The following MSH3 variants were observed in gnomAD, a reference collection of about 807,000 sequenced individuals.
MSH3 encodes the protein mutS homolog 3, also known as DNA mismatch repair protein Msh3.
Under a neutral mutation model 123.3 loss-of-function variants are expected in MSH3, and 106 were observed. The observed-to-expected ratio is 0.86, with a 90% CI of 0.73 to 1.01. The LOEUF is 1.01. MSH3 is among the 50% of genes least tolerant of loss of function. The pLI is 0.00. For synonymous variants in MSH3, 515 were observed against 481.4 expected, an observed-to-expected ratio of 1.07 and a Z score of -0.91; for missense variants, 1,459 against 1,347.6, an observed-to-expected ratio of 1.08 and a Z score of -1.29.
intron 13 of MSH3, among the ~76,000 whole-genome samples, chr5:80,763,950 G>A (rs1744083574): frequency 6.6e-6 from 1 of 152,242 alleles, no homozygotes; most frequent in Admixed American, 6.5e-5. Flanking sequence ...GCCATTCCTT[G>A]TTGCTGTTTT....
Position 80,826,548 on chromosome 5 carries a change from A to ATTTT in MSH3, c.2813+12821_2813+12824dup, listed in dbSNP as rs10625891. On this transcript the variant is annotated intron_variant, in intron 20 of 23. Transcript: ENST00000265081. ...GCTATAAACAGACAGGAGGTTAGGA[A>ATTTT]TTTTTTTTTTTTTTTTTGAGATGGA... is the stretch of plus-strand genomic sequence containing the variant. Among the ~76,000 whole-genome samples the ATTTT allele has an allele frequency of 7.8e-5, 11 of 140,512 alleles. 1 individual carries two copies. Among genetic ancestry groups the ATTTT allele is most frequent in the South Asian group, 4.5e-4 (2 of 4,458 alleles). 92.2% of individuals were successfully genotyped at this position (140,512 alleles called of 152,430 possible). A position where few individuals can be genotyped will look rare whatever the true frequency, so the allele number is the denominator to read the frequency against.
At chr5:80,779,644 G>A (rs1178033848) in intron 17 of MSH3, among the ~76,000 whole-genome samples, 2 of 147,860 alleles carry the variant, frequency 1.4e-5, no homozygotes, top group Non-Finnish European at 3.0e-5. Context: ...TCTGCCTCCC[G>A]AGTTCTCCCA....
intron 8 of MSH3, among the ~76,000 whole-genome samples, chr5:80,705,382 A>G (rs964933389): frequency 6.6e-6 from 1 of 152,210 alleles, no homozygotes; most frequent in African/African-American, 2.4e-5. Context: ...ATTGACTGTT[A>G]TAGTTCCAGG....
intron 8 of MSH3, among the ~76,000 whole-genome samples, chr5:80,699,436 T>G (rs1177376555): frequency 6.6e-6 from 1 of 151,724 alleles, no homozygotes; most frequent in Non-Finnish European, 1.5e-5. Context: ...TCAGCACCTG[T>G]AATCCTAGCT....
chr5:80,808,412 C>T (rs1744936640), intron 19 of MSH3, among the ~76,000 whole-genome samples: 1 of 152,122 alleles, frequency 6.6e-6, no homozygotes, highest in Non-Finnish European at 1.5e-5. Flanking sequence ...TACCATTTCA[C>T]CATTAAGCCT....
intron 2 of MSH3, among the ~76,000 whole-genome samples, chr5:80,664,485 T>C (rs1749519299): frequency 6.6e-6 from 1 of 151,174 alleles, no homozygotes; most frequent in South Asian, 2.1e-4. Flanking sequence ...GTGTTCCTAA[T>C]CGTCCTTCTG....
At chr5:80,808,025 C>T (rs1219204033) in intron 19 of MSH3, among the ~76,000 whole-genome samples, 1 of 152,092 alleles carries the variant, frequency 6.6e-6, no homozygotes, top group Non-Finnish European at 1.5e-5. Context: ...TAAGTCCTTT[C>T]AATAAATTTT....
chr5:80,715,738 G>A (rs912018957), intron 8 of MSH3, among the ~76,000 whole-genome samples: 5 of 152,054 alleles, frequency 3.3e-5, no homozygotes, highest in African/African-American at 1.2e-4. Flanking sequence ...TGGAGCAGGA[G>A]GAAGAGAGAG....
chr5:80,816,856 G>A (rs574287029), intron 20 of MSH3, among the ~76,000 whole-genome samples: 3 of 152,336 alleles, frequency 2.0e-5, no homozygotes, highest in South Asian at 4.1e-4. Flanking sequence ...TACTAGAAGA[G>A]GATGTTTTTT....
intron 16 of MSH3, among the ~76,000 whole-genome samples, chr5:80,776,929 T>TATATA (rs1554072702): frequency 0.019 from 1,756 of 91,578 alleles, 16 homozygotes; most frequent in East Asian, 0.16. Context: ...TATATATATA[T>TATATA]TTTTTTTTTT....
intron 17 of MSH3, among the ~76,000 whole-genome samples, chr5:80,782,678 A>G (rs955434409): frequency 2.0e-5 from 3 of 152,198 alleles, no homozygotes; most frequent in Non-Finnish European, 4.4e-5. Flanking sequence ...GAAAAAGAAT[A>G]TTGGCTGAAA....
chr5:80,863,718 A>G (rs970570237), intron 21 of MSH3, among the ~76,000 whole-genome samples: 1 of 152,084 alleles, frequency 6.6e-6, no homozygotes, highest in Non-Finnish European at 1.5e-5. Context: ...GACAACTCCA[A>G]GCAGGGGCTT....
intron 8 of MSH3, 82 bp from the exon 9 acceptor site, chr5:80,725,371 T>TC: frequency 1.1e-6 from 1 of 884,078 alleles, no homozygotes; most frequent in Non-Finnish European, 1.9e-6. Flanking sequence ...TCTTTTTTTT[T>TC]TCCTCTTCTG....
At chr5:80,835,009 A>G (rs556016749) in intron 20 of MSH3, among the ~76,000 whole-genome samples, 1 of 152,314 alleles carries the variant, frequency 6.6e-6, no homozygotes, top group South Asian at 2.1e-4. Context: ...GTATAAAATG[A>G]TTACTAAGAA....
At chr5:80,784,421 T>C (rs1208274427) in intron 17 of MSH3, among the ~76,000 whole-genome samples, 1 of 151,846 alleles carries the variant, frequency 6.6e-6, no homozygotes, top group Non-Finnish European at 1.5e-5. Context: ...TTTTATTAAA[T>C]GTTTGTGGGT....
rs757686373 is a variant in MSH3 at position 80,761,639 on chromosome 5, C to T, written c.1857C>T (p.Pro619=). Residue 619 remains proline (P), a synonymous_variant, in exon 13 of 24, where the codon CCC becomes CCT. Coordinates refer to ENST00000265081, the MANE Select transcript of MSH3 (RefSeq NM_002439.5). ...GQIENHLRKL[P]DIERGLCSIY... ...TAGAAAATCATCTACGTAAATTGCC[C>T]GACATAGAGAGGGGACTCTGTAGCA... The T allele has an allele frequency of 7.4e-6, 12 of 1,613,782 alleles. No homozygotes were observed. The highest frequency in any genetic ancestry group is 2.2e-5 in the East Asian group (1 of 44,856).
At chr5:80,718,027 A>G (rs2112849785) in intron 8 of MSH3, among the ~76,000 whole-genome samples, 1 of 152,330 alleles carries the variant, frequency 6.6e-6, no homozygotes, top group African/African-American at 2.4e-5. Flanking sequence ...AAAAAATTAA[A>G]ATATGGTACA....
intron 19 of MSH3, among the ~76,000 whole-genome samples, 173 bp downstream of exon 19, chr5:80,793,017 T>C (rs1205759943): frequency 6.6e-6 from 1 of 152,266 alleles, no homozygotes; most frequent in African/African-American, 2.4e-5. Context: ...CTATTTCCAA[T>C]GCAAGATTAT....
At chr5:80,666,054 A>T (rs1016622591) in intron 3 of MSH3, among the ~76,000 whole-genome samples, 1 of 152,074 alleles carries the variant, frequency 6.6e-6, no homozygotes, top group Non-Finnish European at 1.5e-5. Flanking sequence ...AAAAGTTTAC[A>T]TTTTATTTTG....
Sources: allele counts gnomAD v4.1 joint callset (sites outside exome capture counted in the v4.1 genomes callset), GRCh38; gene constraint gnomAD v4.1.1; transcripts MANE v1.5; gene names NCBI Gene and HGNC (gene_info 2026-07-23, HGNC 2026-07-21).